The following AXIN2 variants were observed in gnomAD, a reference collection of about 807,000 sequenced individuals.
AXIN2 encodes the protein axin 2, also known as axin-2.
A neutral mutation model predicts 74.7 loss-of-function variants in AXIN2; 21 were observed. That is an observed-to-expected ratio of 0.28 (90% CI 0.20 to 0.40). The LOEUF is 0.40. Among genes scored for constraint, AXIN2 ranks in the 10% least tolerant of loss-of-function variants. The pLI is 1.00. For synonymous variants in AXIN2, 532 were observed against 454.9 expected (o/e 1.17, Z -2.16); for missense variants, 1,144 against 1,111.1 (o/e 1.03, Z -0.42).
Position 65,529,548 on chromosome 17 carries a change from C to G in AXIN2, c.*428G>C. 1 of 334,768 alleles carries G rather than the reference C, an allele frequency of 3.0e-6. No individual in the cohort carries two copies. Among genetic ancestry groups the G allele is most frequent in the Non-Finnish European group, 5.6e-6 (1 of 179,354 alleles). 20.7% of individuals were successfully genotyped at this position (334,768 alleles called of 1,614,324 possible). A position where few individuals can be genotyped will look rare whatever the true frequency, so the allele number is the denominator to read the frequency against. ...ATTAAAACTTCCTGTCTCCCCCTTC[C>G]AAGTTTAAAGCAGCATATCCATAAA... On this transcript the variant is annotated 3_prime_UTR_variant, in exon 11 of 11. Transcript: ENST00000307078.
At chr17:65,537,213 C>G in intron 6 of AXIN2, 111 bp downstream of exon 6, 2 of 1,564,824 alleles carry the variant, frequency 1.3e-6, no homozygotes, top group Non-Finnish European at 8.7e-7. Flanking sequence ...TGCACTCTGC[C>G]GCCCTCTTAG....
At position 65,536,061 on chromosome 17, in the gene AXIN2, AT is replaced by A; in HGVS notation, c.2141+258del. Among the ~76,000 whole-genome samples, 3 of 152,344 alleles carry A rather than the reference AT, an allele frequency of 2.0e-5. No individual in the cohort carries two copies. The South Asian group carries it at 6.2e-4, about 32-fold the overall frequency. ...TTGTAAGGAATGGGATTTGTAAGCA[AT>A]TGCTGAAATTCATTCTCCCAATTCT... On this transcript the variant is annotated intron_variant, in intron 8 of 10. Transcript: ENST00000307078.
At chr17:65,542,097 ATTTCTT>A (rs1273220544) in intron 3 of AXIN2, among the ~76,000 whole-genome samples, 7 of 152,218 alleles carry the variant, frequency 4.6e-5, no homozygotes, top group African/African-American at 1.7e-4. Flanking sequence ...TTCCAAATGT[ATTTCTT>A]TTTATAAACC....
Position 65,529,656 on chromosome 17 carries a change from T to G in AXIN2, c.*320A>C, listed in dbSNP as rs886053269. On this transcript the variant is annotated 3_prime_UTR_variant, in exon 11 of 11. Transcript: ENST00000307078. Reference sequence around the variant, plus strand: ...AAGCTATACACAGTTTCTCTTAGTTTATGGATTTCAGATCCCTAGGAAGTC... The same window carrying G: ...AAGCTATACACAGTTTCTCTTAGTTGATGGATTTCAGATCCCTAGGAAGTC... 4.9e-5 allele frequency: 22 copies of G among 448,954 alleles called. No homozygotes were observed. Among genetic ancestry groups the G allele is most frequent in the Non-Finnish European group, 8.7e-5 (21 of 241,564 alleles). 27.8% of individuals were successfully genotyped at this position (448,954 alleles called of 1,614,324 possible). A position where few individuals can be genotyped will look rare whatever the true frequency, so the allele number is the denominator to read the frequency against.
At chr17:65,535,828 C>T (rs1043996344) in intron 8 of AXIN2, 107 bp from the exon 9 acceptor site, 7 of 1,004,662 alleles carry the variant, frequency 7.0e-6, no homozygotes, top group African/African-American at 6.4e-5. Flanking sequence ...GACACGAACC[C>T]GACTTCCATC....
chr17:65,537,069 G>A lies in AXIN2; in HGVS notation c.1713-6C>T, dbSNP rs754817135. On this transcript the variant is annotated splice_region_variant and splice_polypyrimidine_tract_variant and intron_variant, in intron 6 of 10. Coordinates refer to ENST00000307078, the MANE Select transcript of AXIN2 (RefSeq NM_004655.4). The stretch of plus-strand genomic sequence containing the variant: ...AGGTACTGCCTCTGCTGCCGCTGTG[G>A]GGAACCAAGAACCACACCCAACCCA... 1.2e-6 allele frequency: 2 copies of A among 1,601,212 alleles called. No individual in the cohort carries two copies. The highest frequency in any genetic ancestry group is 1.7e-6 in the Non-Finnish European group (2 of 1,178,466).
At position 65,533,773 on chromosome 17, in the gene AXIN2, G is replaced by A. The variant is rs1220965265; in HGVS notation, c.2405+139C>T. 7.1e-6 allele frequency: 7 copies of A among 983,250 alleles called. No individual in the cohort carries two copies. In the Admixed American group the frequency reaches 8.4e-5, roughly 12 times the overall value. The allele number at this position is 983,250 out of a possible 1,614,324, so 60.9% of individuals were successfully genotyped here. A position where few individuals can be genotyped will look rare whatever the true frequency, so the allele number is the denominator to read the frequency against. Reference sequence around the variant, plus strand: ...GTGAGGGGAGAGAAGAAATGAGAAGGGAGCCTCCCCCAGCGCCTGCTGAGC... The same window carrying A: ...GTGAGGGGAGAGAAGAAATGAGAAGAGAGCCTCCCCCAGCGCCTGCTGAGC... On this transcript the variant is annotated intron_variant, in intron 10 of 10. Transcript: ENST00000307078.
rs554690754 is a variant in AXIN2 at position 65,529,098 on chromosome 17, A to C, written c.*878T>G. 48 of 234,754 alleles carry C rather than the reference A, an allele frequency of 2.0e-4. No individual in the cohort carries two copies. The highest frequency in any genetic ancestry group is 1.0e-3 in the African/African-American group (46 of 45,470). The allele number at this position is 234,754 out of a possible 1,614,324, so 14.5% of individuals were successfully genotyped here. ...GTAAAACAAAAACAGAAACAAAAAA[A>C]ACAAGGAACTGTCATTTCCACGAAA... On this transcript the variant is annotated 3_prime_UTR_variant, in exon 11 of 11. Coordinates refer to ENST00000307078, the MANE Select transcript of AXIN2 (RefSeq NM_004655.4).
At chr17:65,537,135 T>G in intron 6 of AXIN2, 72 bp from the exon 7 acceptor site, 2 of 1,567,690 alleles carry the variant, frequency 1.3e-6, no homozygotes, top group Non-Finnish European at 1.7e-6. Context: ...AATCAGACAA[T>G]TCAGCAAGTC....
chr17:65,559,915 G>C (rs1407299396), intron 1 of AXIN2: 2 of 152,256 alleles, frequency 1.3e-5, no homozygotes, highest in African/African-American at 4.8e-5. Context: ...CGTTGGCACC[G>C]CGCTACCCGG....
At chr17:65,537,245 G>A (rs2144454493) in intron 6 of AXIN2, 79 bp downstream of exon 6, 1 of 1,595,950 alleles carries the variant, frequency 6.3e-7, no homozygotes, top group South Asian at 1.1e-5. Flanking sequence ...CTGTAATGCG[G>A]CTCCCACCTC....
intron 10 of AXIN2, among the ~76,000 whole-genome samples, chr17:65,533,175 G>A (rs1024505858): frequency 1.6e-4 from 24 of 152,296 alleles, no homozygotes; most frequent in African/African-American, 5.8e-4. Context: ...GGGCACCTCC[G>A]TCCACTCTGC....
Position 65,557,858 on chromosome 17 carries a change from G to T in AXIN2, c.763C>A (p.Leu255Met). 1 of 1,614,216 alleles carries T rather than the reference G, an allele frequency of 6.2e-7. No homozygotes were observed. Among genetic ancestry groups the T allele is most frequent in the Non-Finnish European group, 8.5e-7 (1 of 1,180,054 alleles). The stretch of plus-strand genomic sequence containing the variant: ...GACCTCACACTCGCCGTGGCCCTCA[G>T]AGTTTTGCTGGACAAGCCAACCACG... ...PTVVGLSSKT[L>M]RATASVRSTE... is the part of the protein sequence containing the mutation. The change falls in exon 2 of 11, where the codon CTG becomes ATG. Residue 255 changes from leucine to methionine, a missense_variant. By Grantham distance (15) the Leu-to-Met change is conservative. Coordinates refer to ENST00000307078, the MANE Select transcript of AXIN2 (RefSeq NM_004655.4).
Position 65,558,453 on chromosome 17 carries a change from C to G in AXIN2, c.168G>C (p.Arg56Ser). The change falls in exon 2 of 11, where the codon AGG becomes AGC. Residue 56 changes from arginine to serine, a missense_variant. Arg to Ser is a moderately radical substitution (Grantham distance 110, BLOSUM62 -1). Around this residue, in one of 4 missense-constraint regions of AXIN2, gnomAD observed 1,053 missense variants for 973.5 expected, o/e 1.08. Transcript: ENST00000307078. Reference protein sequence around the residue: ...TKPMPVSSNTRRNEDGLGEPE... With the variant: ...TKPMPVSSNTSRNEDGLGEPE... Reference sequence around the variant, plus strand: ...GCTCCCCCAACCCATCTTCGTTCCGCCTGGTGTTGGAAGAGACAGGCATGG... The same window carrying G: ...GCTCCCCCAACCCATCTTCGTTCCGGCTGGTGTTGGAAGAGACAGGCATGG... The G allele has an allele frequency of 6.2e-7, 1 of 1,600,852 alleles. No individual in the cohort carries two copies. Among genetic ancestry groups the G allele is most frequent in the Non-Finnish European group, 8.5e-7 (1 of 1,171,678 alleles).
intron 3 of AXIN2, among the ~76,000 whole-genome samples, chr17:65,542,775 C>G (rs1016478860): frequency 6.6e-6 from 1 of 152,162 alleles, no homozygotes; most frequent in Non-Finnish European, 1.5e-5. Flanking sequence ...ACAAAAGCCT[C>G]AGGGTGCAAA....
chr17:65,537,238 T>C, intron 6 of AXIN2, 86 bp downstream of exon 6: 5 of 1,591,414 alleles, frequency 3.1e-6, no homozygotes, highest in Non-Finnish European at 3.4e-6. Context: ...TAAATGCCTG[T>C]AATGCGGCTC....
Position 65,558,697 on chromosome 17 carries a change from G to C in AXIN2, c.-77C>G, listed in dbSNP as rs544986112. 8.6e-5 allele frequency: 124 copies of C among 1,450,180 alleles called. No homozygotes were observed. In the African/African-American group the frequency reaches 1.7e-3, roughly 20 times the overall value. The allele number at this position is 1,450,180 out of a possible 1,614,324, so 89.8% of individuals were successfully genotyped here. A position where few individuals can be genotyped will look rare whatever the true frequency, so the allele number is the denominator to read the frequency against. On this transcript the variant is annotated 5_prime_UTR_variant, in exon 2 of 11. Transcript: ENST00000307078. ...TCTCAGCAATCGGCGTGGTCTCTCTGTCTCTCTCAAGTCAGCAGGGGCTCA... is the reference window on the plus strand; with the variant it reads ...TCTCAGCAATCGGCGTGGTCTCTCTCTCTCTCTCAAGTCAGCAGGGGCTCA...
At chr17:65,553,237 G>A (rs1278916928) in intron 2 of AXIN2, among the ~76,000 whole-genome samples, 3 of 152,182 alleles carry the variant, frequency 2.0e-5, no homozygotes, top group African/African-American at 4.8e-5. Flanking sequence ...TGAGTGGCAC[G>A]TGGCAGTGAC....
At chr17:65,532,177 A>G (rs1162503326) in intron 10 of AXIN2, among the ~76,000 whole-genome samples, 1 of 152,134 alleles carries the variant, frequency 6.6e-6, no homozygotes, top group Non-Finnish European at 1.5e-5. Context: ...AGGGGAGGCC[A>G]GGGCTTCAAA....
Sources: allele counts gnomAD v4.1 joint callset (sites outside exome capture counted in the v4.1 genomes callset), GRCh38; gene constraint gnomAD v4.1.1; regional missense constraint gnomAD v4.1.1; transcripts MANE v1.5; gene names NCBI Gene and HGNC (gene_info 2026-07-23, HGNC 2026-07-21).